SLC9A9: variants seen among roughly 807,000 people sequenced by gnomAD.
SLC9A9 encodes the protein sodium/hydrogen exchanger 9.
A neutral mutation model predicts 77.8 loss-of-function variants in SLC9A9; 62 were observed. That is an observed-to-expected ratio of 0.80 (90% confidence interval 0.65 to 0.98). The LOEUF (loss-of-function observed/expected upper bound fraction) is 0.98, where lower values mean the gene tolerates loss of function less well. Ranked by LOEUF, SLC9A9 falls within the 50% of genes least tolerant of loss-of-function variation. SLC9A9 has a pLI of 0.00. For missense variants in SLC9A9, 775 were observed against 774.9 expected (o/e 1.00, Z 0.00); for synonymous variants, 320 against 283.5 (o/e 1.13, Z -1.29).
At chr3:143,511,269 T>C (rs2108605265) in intron 9 of SLC9A9, among the ~76,000 whole-genome samples, 1 of 152,326 alleles carries the variant, frequency 6.6e-6, no homozygotes, top group East Asian at 1.9e-4. Flanking sequence ...TTCTGGCTAC[T>C]GTCCAAGCTA....
chr3:143,538,054 T>C (rs1436720675), intron 9 of SLC9A9, among the ~76,000 whole-genome samples: 1 of 152,234 alleles, frequency 6.6e-6, no homozygotes, highest in African/African-American at 2.4e-5. Context: ...ATGAACATTC[T>C]GGAACCTATA....
In SLC9A9 at chr3:143,266,627, T is replaced by C; in HGVS notation, c.*75A>G. The C allele has an allele frequency of 1.4e-6, 2 of 1,460,908 alleles. No individual in the cohort carries two copies. Among genetic ancestry groups the C allele is most frequent in the South Asian group, 1.2e-5 (1 of 85,786 alleles). 90.5% of individuals were successfully genotyped at this position (1,460,908 alleles called of 1,614,324 possible). ...ATGTTTTCCAGCCTCTCCCCTGTAC[T>C]GCCTCATCAGCTTGGCTTGTATTCC... is the stretch of plus-strand genomic sequence containing the variant. On this transcript the variant is annotated 3_prime_UTR_variant, in exon 16 of 16. Transcript: ENST00000316549.
At chr3:143,414,335 T>C (rs1239541679) in intron 12 of SLC9A9, among the ~76,000 whole-genome samples, 1 of 152,248 alleles carries the variant, frequency 6.6e-6, no homozygotes, top group African/African-American at 2.4e-5. Flanking sequence ...GTTCTGTATG[T>C]ATGTGTGTAC....
At chr3:143,414,362 ATTAAG>A (rs756156904) in intron 12 of SLC9A9, among the ~76,000 whole-genome samples, 1 of 152,186 alleles carries the variant, frequency 6.6e-6, no homozygotes, top group Non-Finnish European at 1.5e-5. Context: ...ATCTTGCTTT[ATTAAG>A]TTTTGTTTTC....
chr3:143,670,405 T>A (rs1030046133), intron 5 of SLC9A9, among the ~76,000 whole-genome samples: 1 of 152,170 alleles, frequency 6.6e-6, no homozygotes, highest in Non-Finnish European at 1.5e-5. Flanking sequence ...ATCATGAGTT[T>A]AACACTTCTC....
chr3:143,509,858 A>G (rs1293443782), intron 9 of SLC9A9, among the ~76,000 whole-genome samples: 2 of 152,204 alleles, frequency 1.3e-5, no homozygotes, highest in African/African-American at 4.8e-5. Context: ...CACTCTCTAG[A>G]TTAATCCCCT....
chr3:143,469,354 T>C (rs2035338542), intron 11 of SLC9A9, among the ~76,000 whole-genome samples: 1 of 152,194 alleles, frequency 6.6e-6, no homozygotes. Context: ...TGTTATATTG[T>C]GCAATAGGAC....
chr3:143,412,286 G>A (rs1003263481), intron 12 of SLC9A9, among the ~76,000 whole-genome samples: 7 of 151,896 alleles, frequency 4.6e-5, no homozygotes, highest in African/African-American at 7.3e-5. Context: ...GTTGGCCCCC[G>A]AGAAGGAAGT....
chr3:143,310,407 C>T (rs1338620939), intron 14 of SLC9A9, among the ~76,000 whole-genome samples: 2 of 151,896 alleles, frequency 1.3e-5, no homozygotes, highest in African/African-American at 2.4e-5. Flanking sequence ...AAGAAAGTCA[C>T]GTAAATCTGG....
intron 12 of SLC9A9, among the ~76,000 whole-genome samples, chr3:143,400,685 A>G (rs958702092): frequency 6.6e-6 from 1 of 150,618 alleles, no homozygotes; most frequent in African/African-American, 2.5e-5. Flanking sequence ...ACCTATGGAA[A>G]TAAACAATTA....
chr3:143,374,032 A>AT (rs1018879644), intron 13 of SLC9A9, among the ~76,000 whole-genome samples: 1 of 152,194 alleles, frequency 6.6e-6, no homozygotes, highest in Admixed American at 6.5e-5. Context: ...CTTCTAAAAA[A>AT]CTAGAGATAA....
chr3:143,562,883 T>C (rs2037109852), intron 8 of SLC9A9, among the ~76,000 whole-genome samples: 1 of 151,858 alleles, frequency 6.6e-6, no homozygotes, highest in Admixed American at 6.6e-5. Context: ...TGCTCAAAAA[T>C]ATCTAGGACC....
chr3:143,360,394 T>C (rs2032715478), intron 14 of SLC9A9, among the ~76,000 whole-genome samples: 1 of 152,220 alleles, frequency 6.6e-6, no homozygotes, highest in African/African-American at 2.4e-5. Context: ...TAATGAACCT[T>C]AATTAATCAT....
chr3:143,702,291 T>C (rs1478483089), intron 4 of SLC9A9, among the ~76,000 whole-genome samples: 1 of 152,154 alleles, frequency 6.6e-6, no homozygotes, highest in Non-Finnish European at 1.5e-5. Context: ...GTCTGTGGAA[T>C]ATAAACTATT....
chr3:143,477,359 C>T (rs1304446726), intron 11 of SLC9A9, among the ~76,000 whole-genome samples: 11 of 135,004 alleles, frequency 8.1e-5, no homozygotes, highest in African/African-American at 2.4e-4. Flanking sequence ...CCCCTCCCCC[C>T]GCCGCCCCCT....
chr3:143,552,450 C>G lies in SLC9A9; in HGVS notation c.1001G>C (p.Gly334Ala). Residue 334 changes from glycine (G) to alanine (A), a missense_variant and splice_region_variant, in exon 9 of 16, where the codon GGG becomes GCG. Transcript: ENST00000316549. ...FLSAEAAGLT[G>A]IVAVLFCGVT... ...TCCACAGAAGAGAACAGCAACTATC[C>G]CTGAAATTAAAAAAACAGATCAGTC... 6.2e-7 allele frequency: 1 copy of G among 1,612,338 alleles called. No individual in the cohort carries two copies. The highest frequency in any genetic ancestry group is 8.5e-7 in the Non-Finnish European group (1 of 1,179,140).
chr3:143,771,994 T>C (rs1576715491), intron 4 of SLC9A9, among the ~76,000 whole-genome samples: 1 of 150,068 alleles, frequency 6.7e-6, no homozygotes, highest in Non-Finnish European at 1.5e-5. Context: ...GGCAGATGAG[T>C]CCAAGACAGC....
At chr3:143,673,320 C>T (rs761763049) in intron 5 of SLC9A9, among the ~76,000 whole-genome samples, 11 of 152,188 alleles carry the variant, frequency 7.2e-5, no homozygotes, top group Non-Finnish European at 1.2e-4. Flanking sequence ...AGAAGCTGGA[C>T]GAGAAGGCAT....
At chr3:143,324,032 C>T (rs998519188) in intron 14 of SLC9A9, among the ~76,000 whole-genome samples, 6 of 152,216 alleles carry the variant, frequency 3.9e-5, no homozygotes, top group Non-Finnish European at 5.9e-5. Flanking sequence ...TCAGTCTGCT[C>T]TTGGTGGTAG....
Sources: gnomAD v4.1 joint callset for allele counts (sites outside exome capture counted in the v4.1 genomes callset) on GRCh38, gnomAD v4.1.1 for gene constraint, MANE v1.5 for transcripts, NCBI Gene and HGNC (gene_info 2026-07-23, HGNC 2026-07-21) for gene names.